The following TMEM230 variants were observed in gnomAD, a reference collection of about 807,000 sequenced individuals.
TMEM230 encodes UPF0414 transmembrane protein C20orf30.
In TMEM230, 10 loss-of-function variants were observed where a neutral mutation model predicts 15.8. The ratio of observed to expected loss-of-function variants is 0.63; its 90% confidence interval spans 0.39 to 1.07. The LOEUF is 1.07. Ranked by LOEUF, TMEM230 falls within the 50% of genes least tolerant of loss-of-function variation. The pLI is 0.01. For synonymous variants in TMEM230, 67 were observed against 76.9 expected (o/e 0.87, Z 0.68); for missense variants, 165 against 193.3 (o/e 0.85, Z 0.87).
At chr20:5,083,774 C>T (rs2089250930) in intron 3 of TMEM230, among the ~76,000 whole-genome samples, 1 of 152,168 alleles carries the variant, frequency 6.6e-6, no homozygotes. Flanking sequence ...AAATTACCTA[C>T]AGTCTTTCTT....
intron 3 of TMEM230, among the ~76,000 whole-genome samples, chr20:5,075,046 C>A (rs926550369): frequency 1.1e-4 from 16 of 151,614 alleles, no homozygotes; most frequent in South Asian, 4.2e-4. Flanking sequence ...AGTGCATCAA[C>A]CTGTATAGTT....
At position 5,106,250 on chromosome 20, in the gene TMEM230, A is replaced by G. The variant is rs1316617808; in HGVS notation, c.349T>C (p.Leu117=). The G allele has an allele frequency of 6.2e-7, 1 of 1,614,162 alleles. No homozygotes were observed. The highest frequency in any genetic ancestry group is 1.1e-5 in the South Asian group (1 of 91,078). ...ATAATAATGAGAAAGGCGCCAATCA[A>G]AAACAGCACAGTGGCAAGTGCGATG... The change falls in exon 4 of 5, where the codon TTG becomes CTG. Residue 117 remains leucine, a synonymous_variant. Coordinates refer to ENST00000342308, the MANE Select transcript of TMEM230 (RefSeq NM_001009923.2).
chr20:5,078,608 C>T (rs912728220), intron 3 of TMEM230, among the ~76,000 whole-genome samples: 1 of 152,122 alleles, frequency 6.6e-6, no homozygotes, highest in Non-Finnish European at 1.5e-5. Context: ...TTGTGCATCA[C>T]GATCACTCTA....
chr20:5,112,513 G>A (rs566946842), intron 1 of TMEM230, among the ~76,000 whole-genome samples: 9 of 152,346 alleles, frequency 5.9e-5, no homozygotes, highest in African/African-American at 1.7e-4. Flanking sequence ...GGGCGTGAGG[G>A]AGAGGGGAGA....
chr20:5,086,702 TTA>T (rs2089346840), intron 3 of TMEM230, among the ~76,000 whole-genome samples: 2 of 113,550 alleles, frequency 1.8e-5, no homozygotes, highest in South Asian at 8.9e-4. Flanking sequence ...ATTTATCTTT[TTA>T]TCTTTTTTTT....
At chr20:5,067,081 GGT>G (rs2088668098), downstream of TMEM230, 3 of 152,160 alleles carry the variant, frequency 2.0e-5, no homozygotes, top group Non-Finnish European at 2.9e-5. Flanking sequence ...GCCAAGGAAA[GGT>G]GCATTGAAGT....
downstream of TMEM230, among the ~76,000 whole-genome samples, chr20:5,099,248 A>C (rs3888899): frequency 9.3e-4 from 137 of 146,906 alleles, no homozygotes; most frequent in Non-Finnish European, 1.5e-3. Flanking sequence ...ATCAATCAAT[A>C]ATAAATAAAA....
chr20:5,074,941 G>A (rs1379551445), intron 3 of TMEM230, among the ~76,000 whole-genome samples: 1 of 151,986 alleles, frequency 6.6e-6, no homozygotes, highest in East Asian at 1.9e-4. Flanking sequence ...GGGATTATAG[G>A]CATAAACCAC....
At chr20:5,077,860 A>G (rs1231015535) in intron 3 of TMEM230, among the ~76,000 whole-genome samples, 1 of 152,086 alleles carries the variant, frequency 6.6e-6, no homozygotes, top group Non-Finnish European at 1.5e-5. Flanking sequence ...GCCCTTGTGG[A>G]TTCCATCTTA....
exon 4 of TMEM230, chr20:5,068,949 T>G: frequency 4.8e-6 from 2 of 420,324 alleles, no homozygotes; most frequent in Admixed American, 4.2e-5. Flanking sequence ...CCATGGGGAG[T>G]GGTCTGCGCC....
chr20:5,106,563 C>G (rs1452868633), intron 3 of TMEM230, among the ~76,000 whole-genome samples: 3 of 152,080 alleles, frequency 2.0e-5, no homozygotes, highest in Non-Finnish European at 4.4e-5. Context: ...GCCACTACAC[C>G]CAGCTAATTT....
At chr20:5,060,348 T>G in the TMEM230 span, among the ~76,000 whole-genome samples, 4 of 148,114 alleles carry the variant, frequency 2.7e-5, no homozygotes, top group Admixed American at 2.7e-4. Flanking sequence ...TTTTTTTTTT[T>G]TTTTTTGAGA....
At chr20:5,072,969 T>C (rs539432661) in intron 3 of TMEM230, among the ~76,000 whole-genome samples, 188 of 151,596 alleles carry the variant, frequency 1.2e-3, no homozygotes, top group Non-Finnish European at 2.4e-3. Context: ...AAATAGACTC[T>C]GAAGTGAGGA....
At chr20:5,082,713 G>GTAATCCCAA (rs1338738741) in intron 3 of TMEM230, among the ~76,000 whole-genome samples, 1 of 152,002 alleles carries the variant, frequency 6.6e-6, no homozygotes, top group Admixed American at 6.6e-5. Flanking sequence ...CAAAATGCTG[G>GTAATCCCAA]GATTACAGAC....
chr20:5,108,192 G>C (rs935496083), intron 3 of TMEM230, among the ~76,000 whole-genome samples: 1 of 152,142 alleles, frequency 6.6e-6, no homozygotes, highest in Non-Finnish European at 1.5e-5. Context: ...GGCCGAGGCA[G>C]GATGATCACC....
chr20:5,078,635 A>G (rs1338898635), intron 3 of TMEM230, among the ~76,000 whole-genome samples: 1 of 152,076 alleles, frequency 6.6e-6, no homozygotes, highest in East Asian at 1.9e-4. Flanking sequence ...TGGCAGAGGG[A>G]AAGTGAAACT....
intron 3 of TMEM230, among the ~76,000 whole-genome samples, chr20:5,088,796 G>A (rs2089429414): frequency 1.3e-5 from 2 of 152,134 alleles, no homozygotes; most frequent in African/African-American, 4.8e-5. Context: ...TTACAGGCGT[G>A]AGCCACCATG....
At chr20:5,069,302 A>G in exon 4 of TMEM230, 1 of 1,535,884 alleles carries the variant, frequency 6.5e-7, no homozygotes, top group Admixed American at 2.0e-5. Flanking sequence ...ATGCTGGTAG[A>G]TGTTTGTGGT....
In TMEM230 at chr20:5,075,633, G is replaced by T. The variant is rs6053080; in HGVS notation, c.223-6284C>A. On this transcript the variant is annotated intron_variant, in intron 3 of 3. Coordinates refer to the TMEM230 transcript ENST00000612323. ...CCAGCTACTCGGGAGGATGAAGCAG[G>T]AGAATCTCTTGAACCCGTGAGGCAG... Among the ~76,000 whole-genome samples, 663 of 151,984 alleles carry T rather than the reference G, an allele frequency of 4.4e-3. 4 individuals carry two copies. The highest frequency in any genetic ancestry group is 0.015 in the African/African-American group (639 of 41,456).
Sources: allele counts gnomAD v4.1 joint callset (sites outside exome capture counted in the v4.1 genomes callset), GRCh38; gene constraint gnomAD v4.1.1; transcripts MANE v1.5; gene names NCBI Gene and HGNC (gene_info 2026-07-23, HGNC 2026-07-21).